PDE4B: variants seen among roughly 807,000 people sequenced by gnomAD.
PDE4B encodes phosphodiesterase 4B, also known as 3',5'-cyclic-AMP phosphodiesterase 4B.
A neutral mutation model predicts 82.2 loss-of-function variants in PDE4B; 20 were observed. The ratio of observed to expected loss-of-function variants is 0.24; its 90% CI spans 0.17 to 0.35. PDE4B has a LOEUF of 0.35. Ranked by LOEUF, PDE4B falls within the 10% of genes least tolerant of loss-of-function variation. The pLI is 1.00. For synonymous variants in PDE4B, 320 were observed against 318.9 expected (o/e 1.00, Z -0.04); for missense variants, 655 against 907.2 (o/e 0.72, Z 3.57).
At chr1:66,048,565 A>G (rs1015850641) in intron 3 of PDE4B, among the ~76,000 whole-genome samples, 7 of 151,986 alleles carry the variant, frequency 4.6e-5, no homozygotes, top group Admixed American at 2.6e-4. Context: ...TCTAGGAGAA[A>G]TAAACCACGG....
chr1:66,090,621 A>ATATATATATGTGTG, intron 3 of PDE4B, among the ~76,000 whole-genome samples: 25 of 122,728 alleles, frequency 2.0e-4, no homozygotes, highest in African/African-American at 9.4e-4. Flanking sequence ...TATATAATAT[A>ATATATATATGTGTG]TGTGTGTGTG....
chr1:66,321,899 G>C (rs981832218), intron 7 of PDE4B, among the ~76,000 whole-genome samples: 2 of 151,892 alleles, frequency 1.3e-5, no homozygotes, highest in African/African-American at 2.4e-5. Flanking sequence ...AGCTGGAGGC[G>C]TTATGCTACC....
intron 1 of PDE4B, among the ~76,000 whole-genome samples, chr1:65,839,408 T>A (rs1411152796): frequency 6.6e-6 from 1 of 152,136 alleles, no homozygotes; most frequent in East Asian, 1.9e-4. Context: ...TGCTAATGCC[T>A]TCCCTTCCCT....
chr1:66,140,901 C>T (rs1194143099), intron 3 of PDE4B, among the ~76,000 whole-genome samples: 1 of 152,050 alleles, frequency 6.6e-6, no homozygotes, highest in African/African-American at 2.4e-5. Flanking sequence ...CTTCTGCCAC[C>T]CACTTACATT....
intron 7 of PDE4B, among the ~76,000 whole-genome samples, chr1:66,278,548 G>C (rs1429899323): frequency 6.6e-6 from 1 of 152,198 alleles, no homozygotes; most frequent in Non-Finnish European, 1.5e-5. Context: ...CTCACCAAAA[G>C]AGCCAGTCAT....
At chr1:66,280,807 A>C (rs1025014799) in intron 7 of PDE4B, among the ~76,000 whole-genome samples, 1 of 152,120 alleles carries the variant, frequency 6.6e-6, no homozygotes, top group Non-Finnish European at 1.5e-5. Context: ...TTTTAAAGAC[A>C]TTTGGCTCCT....
At chr1:65,962,975 C>A (rs1649622663) in intron 3 of PDE4B, among the ~76,000 whole-genome samples, 1 of 152,154 alleles carries the variant, frequency 6.6e-6, no homozygotes, top group Non-Finnish European at 1.5e-5. Context: ...GAAACAACAG[C>A]AACAACAAGC....
chr1:65,881,820 C>T (rs1646711696), intron 1 of PDE4B, among the ~76,000 whole-genome samples: 1 of 152,166 alleles, frequency 6.6e-6, no homozygotes. Flanking sequence ...ATTATAGCCT[C>T]CAGTATTGTT....
rs373660062 is a variant in PDE4B, at chr1:65,796,209, G to T, written c.-71+2961G>T. On this transcript the variant is annotated intron_variant, in intron 1 of 16. Transcript: ENST00000341517. ...TGTGTTTTGGCATGAATTTCTTTTG[G>T]TTTGCTCTGTTTGGGATTTGATGAA... Among the ~76,000 whole-genome samples, 4 of 152,174 alleles carry T rather than the reference G, an allele frequency of 2.6e-5. 1 individual carries two copies. In the East Asian group the frequency reaches 5.8e-4, roughly 22 times the overall value.
chr1:66,198,299 T>G (rs1648511649), intron 3 of PDE4B, among the ~76,000 whole-genome samples: 1 of 152,158 alleles, frequency 6.6e-6, no homozygotes, highest in South Asian at 2.1e-4. Context: ...ATCTTACCTT[T>G]CTATTCACTT....
At chr1:65,929,110 G>A (rs542712434) in intron 3 of PDE4B, among the ~76,000 whole-genome samples, 99 of 152,236 alleles carry the variant, frequency 6.5e-4, no homozygotes, top group Admixed American at 7.2e-4. Context: ...GGCCCGCCGG[G>A]ACTTTAGTCT....
At chr1:66,034,915 G>A (rs1243593997) in intron 3 of PDE4B, among the ~76,000 whole-genome samples, 3 of 152,100 alleles carry the variant, frequency 2.0e-5, no homozygotes, top group African/African-American at 4.8e-5. Flanking sequence ...GTCCTTGATG[G>A]AAGTGTGGGT....
At chr1:66,177,693 A>G (rs1380781659) in intron 3 of PDE4B, among the ~76,000 whole-genome samples, 1 of 73,308 alleles carries the variant, frequency 1.4e-5, no homozygotes, top group Non-Finnish European at 2.8e-5. Flanking sequence ...TTGAAGCCAG[A>G]TAATAAATAA....
intron 3 of PDE4B, among the ~76,000 whole-genome samples, chr1:66,124,686 G>C (rs375765731): frequency 6.6e-6 from 1 of 152,040 alleles, no homozygotes; most frequent in African/African-American, 2.4e-5. Context: ...GGTACAGCAG[G>C]TCCTCTAGTA....
intron 9 of PDE4B, among the ~76,000 whole-genome samples, chr1:66,357,309 C>A (rs1011132711): frequency 6.6e-6 from 1 of 152,056 alleles, no homozygotes; most frequent in Non-Finnish European, 1.5e-5. Flanking sequence ...TCAAGGACAA[C>A]GAGAATATCT....
intron 2 of PDE4B, among the ~76,000 whole-genome samples, chr1:65,917,234 A>G (rs1417923493): frequency 1.3e-5 from 2 of 152,210 alleles, no homozygotes; most frequent in African/African-American, 4.8e-5. Context: ...AACTTGAGTT[A>G]ATTATCCTTA....
At chr1:65,980,541 T>C (rs1315462544) in intron 3 of PDE4B, among the ~76,000 whole-genome samples, 1 of 152,214 alleles carries the variant, frequency 6.6e-6, no homozygotes, top group Non-Finnish European at 1.5e-5. Flanking sequence ...GGTGTTGGTG[T>C]TTCTTTTCTT....
chr1:66,079,915 T>G (rs1656635974), intron 3 of PDE4B, among the ~76,000 whole-genome samples: 1 of 152,102 alleles, frequency 6.6e-6, no homozygotes, highest in Non-Finnish European at 1.5e-5. Flanking sequence ...TAACAAGCTT[T>G]AATGAAAATA....
At chr1:66,299,168 C>T (rs1403950864) in intron 7 of PDE4B, among the ~76,000 whole-genome samples, 1 of 152,094 alleles carries the variant, frequency 6.6e-6, no homozygotes, top group African/African-American at 2.4e-5. Context: ...AAAACTACAA[C>T]TTATTCTTCC....
Sources: allele counts gnomAD v4.1 joint callset (sites outside exome capture counted in the v4.1 genomes callset), GRCh38; gene constraint gnomAD v4.1.1; transcripts MANE v1.5; gene names NCBI Gene and HGNC (gene_info 2026-07-23, HGNC 2026-07-21).